PCDHAC1: variants seen among roughly 807,000 people sequenced by gnomAD.
PCDHAC1 encodes the protein protocadherin alpha subfamily C, 1.
A neutral mutation model predicts 60.0 loss-of-function variants in PCDHAC1; 42 were observed. The ratio of observed to expected loss-of-function variants is 0.70; its 90% CI spans 0.55 to 0.90. The LOEUF (loss-of-function observed/expected upper bound fraction) is 0.90. PCDHAC1 is among the 40% of genes least tolerant of loss of function. The pLI, the probability that PCDHAC1 is intolerant of heterozygous loss-of-function variation, is 0.00. For synonymous variants in PCDHAC1, 468 were observed against 499.3 expected, an observed-to-expected ratio of 0.94 and a Z score of 0.84; for missense variants, 1,160 against 1,222.3, an observed-to-expected ratio of 0.95 and a Z score of 0.76.
At chr5:140,990,227 A>G (rs1424384055) in intron 3 of PCDHAC1, among the ~76,000 whole-genome samples, 1 of 152,134 alleles carries the variant, frequency 6.6e-6, no homozygotes, top group Non-Finnish European at 1.5e-5. Flanking sequence ...GTTTATTGTA[A>G]CTAGCGTTGT....
At position 140,936,850 on chromosome 5, in the gene PCDHAC1, CTTCTCAGT is replaced by C. The variant is rs1421923207; in HGVS notation, c.2433+7530_2433+7537del. Among the ~76,000 whole-genome samples the C allele has an allele frequency of 3.1e-4, 47 of 152,208 alleles. 1 individual carries two copies. Among genetic ancestry groups the C allele is most frequent in the African/African-American group, 1.1e-3 (46 of 41,532 alleles). On this transcript the variant is annotated intron_variant, in intron 1 of 3. Coordinates refer to ENST00000253807, the MANE Select transcript of PCDHAC1 (RefSeq NM_018898.5). ...ATTTCTATATAAATTGTAGATTCAG[CTTCTCAGT>C]TTCTATTTTAAAAAACCCTGCTTTG... is the stretch of plus-strand genomic sequence containing the variant.
chr5:140,969,587 T>G, intron 1 of PCDHAC1: 1 of 850,882 alleles, frequency 1.2e-6, no homozygotes, highest in Non-Finnish European at 1.8e-6. Context: ...AGGATTAGTC[T>G]TAATATTTAA....
At chr5:140,953,514 AC>A (rs1209488542) in intron 1 of PCDHAC1, among the ~76,000 whole-genome samples, 2 of 152,136 alleles carry the variant, frequency 1.3e-5, no homozygotes, top group Non-Finnish European at 2.9e-5. Flanking sequence ...GGCCAAAGCA[AC>A]AAAAACGGGA....
chr5:140,966,515 G>A, intron 1 of PCDHAC1: 1 of 436,996 alleles, frequency 2.3e-6, no homozygotes, highest in East Asian at 3.5e-5. Context: ...AGCAGCAGCA[G>A]GAAGCCGAGC....
intron 1 of PCDHAC1, among the ~76,000 whole-genome samples, chr5:140,933,263 A>G (rs1374246908): frequency 6.6e-6 from 1 of 151,986 alleles, no homozygotes; most frequent in Non-Finnish European, 1.5e-5. Context: ...AAAGGTTATT[A>G]TATATTCATT....
At chr5:140,941,603 T>C (rs116946105) in intron 1 of PCDHAC1, among the ~76,000 whole-genome samples, 1 of 152,024 alleles carries the variant, frequency 6.6e-6, no homozygotes, top group East Asian at 1.9e-4. Flanking sequence ...CCATGAGCCA[T>C]GGTGCCCAGC....
intron 3 of PCDHAC1, among the ~76,000 whole-genome samples, chr5:140,994,342 T>C (rs571225967): frequency 1.3e-5 from 2 of 152,288 alleles, no homozygotes; most frequent in South Asian, 4.1e-4. Flanking sequence ...ACAGTGGATG[T>C]TGTGGGACCT....
intron 2 of PCDHAC1, 129 bp from the exon 3 acceptor site, chr5:140,982,346 G>A: frequency 1.3e-6 from 2 of 1,492,346 alleles, no homozygotes; most frequent in South Asian, 2.7e-5. Context: ...AATTGCTTCA[G>A]TTCAAGCATG....
At chr5:140,983,226 T>C (rs892083218) in intron 3 of PCDHAC1, among the ~76,000 whole-genome samples, 1 of 152,216 alleles carries the variant, frequency 6.6e-6, no homozygotes, top group Non-Finnish European at 1.5e-5. Context: ...ATCCAAACTT[T>C]CAGGAAAGAG....
At chr5:140,987,316 G>A (rs13153056) in intron 3 of PCDHAC1, among the ~76,000 whole-genome samples, 9,624 of 152,218 alleles carry the variant, frequency 0.063, 338 homozygotes, top group East Asian at 0.12. Flanking sequence ...AATGTACTGT[G>A]AAGTTTTAAG....
Position 140,927,634 on chromosome 5 carries a change from A to G in PCDHAC1, c.742A>G (p.Asn248Asp). ...CACCAAGGTTCCAGAGACTGCACCC[A>G]ATGGGACTGTGTTATTCCGAGTTCA... ...YRTKVPETAP[N>D]GTVLFRVQAL... The change falls in exon 1 of 4, where the codon AAT (asparagine) becomes GAT (aspartate). Residue 248 changes from asparagine (N) to aspartate (D), a missense_variant. By Grantham distance (23) the Asn-to-Asp change is conservative (BLOSUM62 1). Around this residue, in one of 3 missense-constraint regions of PCDHAC1, gnomAD observed 1,113 missense variants for 1,163.7 expected, o/e 0.96. Transcript: ENST00000253807. The G allele has an allele frequency of 6.2e-7, 1 of 1,614,184 alleles. No individual in the cohort carries two copies. Among genetic ancestry groups the G allele is most frequent in the Non-Finnish European group, 8.5e-7 (1 of 1,180,022 alleles).
In PCDHAC1 at chr5:140,928,021, T is replaced by G. The variant is rs1554205382; in HGVS notation, c.1129T>G (p.Cys377Gly). ...CCTCGATTCTAATGGTAGGGTCATT[T>G]GTGGCATGTCTAGTGCAGGCCCTTT... Reference protein sequence around the residue: ...EDLDSNGRVICGMSSAGPFQL... With the variant: ...EDLDSNGRVIGGMSSAGPFQL... Residue 377 changes from cysteine to glycine, a missense_variant, in exon 1 of 4, where the codon TGT (cysteine) becomes GGT (glycine). Cys to Gly is a radical substitution (Grantham distance 159). This residue lies in a region of PCDHAC1 where 1,113 missense variants were observed against 1,163.7 expected (regional missense o/e 0.96). Coordinates refer to ENST00000253807, the MANE Select transcript of PCDHAC1 (RefSeq NM_018898.5). 3 of 1,614,220 alleles carry G rather than the reference T, an allele frequency of 1.9e-6. No individual in the cohort carries two copies. The African/African-American group carries it at 4.0e-5, about 22-fold the overall frequency.
chr5:140,929,080 A>T lies in PCDHAC1; in HGVS notation c.2188A>T (p.Lys730Ter). ...TACAGAGGATCTGAGGTATGGAAGT[A>T]AGATGGTTTCAAATCCTTGCATGAC... ...RSTEDLRYGS[K>*]MVSNPCMTSA... Residue 730 changes from lysine (K) to a stop codon, truncating the protein, a stop_gained, in exon 1 of 4, where the codon AAG becomes TAG. Transcript: ENST00000253807. LOFTEE classifies it high-confidence loss of function. 6.2e-7 allele frequency: 1 copy of T among 1,614,180 alleles called. No individual in the cohort carries two copies. Among genetic ancestry groups the T allele is most frequent in the Non-Finnish European group, 8.5e-7 (1 of 1,180,036 alleles).
intron 1 of PCDHAC1, among the ~76,000 whole-genome samples, chr5:140,930,655 C>T (rs1554207993): frequency 6.6e-6 from 1 of 152,110 alleles, no homozygotes; most frequent in Non-Finnish European, 1.5e-5. Context: ...TGAAGCATTC[C>T]TTGTTTTACT....
At chr5:140,941,204 T>TTTCC (rs1348435161) in intron 1 of PCDHAC1, among the ~76,000 whole-genome samples, 2 of 88,662 alleles carry the variant, frequency 2.3e-5, no homozygotes, top group Non-Finnish European at 4.4e-5. Flanking sequence ...TCTTTCTTCC[T>TTTCC]TTCTTTCTTC....
chr5:141,008,526 G>A (rs2153997518), intron 3 of PCDHAC1, among the ~76,000 whole-genome samples: 1 of 152,126 alleles, frequency 6.6e-6, no homozygotes, highest in Non-Finnish European at 1.5e-5. Flanking sequence ...TCAGACTCTT[G>A]GGAATGTCTT....
At chr5:140,969,968 G>A (rs935403265) in intron 1 of PCDHAC1, among the ~76,000 whole-genome samples, 2 of 152,200 alleles carry the variant, frequency 1.3e-5, no homozygotes, top group Non-Finnish European at 2.9e-5. Flanking sequence ...GCTGTATGAT[G>A]TGGCAACTCT....
chr5:140,971,040 A>G (rs1554232989), intron 1 of PCDHAC1, among the ~76,000 whole-genome samples: 2 of 152,194 alleles, frequency 1.3e-5, no homozygotes, highest in Non-Finnish European at 2.9e-5. Flanking sequence ...AAGCACGTAA[A>G]AGGGTTTAGC....
At chr5:140,966,973 G>T in intron 1 of PCDHAC1, 1 of 1,603,054 alleles carries the variant, frequency 6.2e-7, no homozygotes. Flanking sequence ...GGCTTGAGCT[G>T]CGGCGCTTGG....
Sources: gnomAD v4.1 joint callset for allele counts (sites outside exome capture counted in the v4.1 genomes callset) on GRCh38, gnomAD v4.1.1 for gene constraint, gnomAD v4.1.1 regional missense constraint, MANE v1.5 for transcripts, NCBI Gene and HGNC (gene_info 2026-07-23, HGNC 2026-07-21) for gene names.